Variants in CUBN observed in about 807,000 individuals in gnomAD.
CUBN encodes 460 kDa receptor.
A neutral mutation model predicts 405.3 loss-of-function variants in CUBN; 282 were observed. That is an observed-to-expected ratio of 0.70 (90% CI 0.63 to 0.77). The LOEUF is 0.77. CUBN is among the 30% of genes least tolerant of loss of function. The pLI is 0.00. For synonymous variants in CUBN, 1,684 were observed against 1,617.0 expected, an observed-to-expected ratio of 1.04 and a Z score of -0.99; for missense variants, 4,514 against 4,475.2, an observed-to-expected ratio of 1.01 and a Z score of -0.25.
intron 60 of CUBN, among the ~76,000 whole-genome samples, chr10:16,847,073 C>T (rs1165728568): frequency 2.0e-5 from 3 of 152,174 alleles, no homozygotes; most frequent in African/African-American, 7.2e-5. Context: ...AGAGCCTCTT[C>T]TGCTCTGCCC....
At chr10:16,936,517 A>C (rs1223628456) in intron 39 of CUBN, among the ~76,000 whole-genome samples, 2 of 152,200 alleles carry the variant, frequency 1.3e-5, no homozygotes, top group Non-Finnish European at 2.9e-5. Context: ...CTGATATAAG[A>C]AGTTAGAAGC....
intron 51 of CUBN, among the ~76,000 whole-genome samples, 175 bp downstream of exon 51, chr10:16,903,791 C>A (rs1469000510): frequency 3.3e-5 from 5 of 150,106 alleles, no homozygotes; most frequent in Admixed American, 3.3e-4. Flanking sequence ...TATAAAATTT[C>A]TAGATATCAG....
In CUBN at chr10:16,940,223, T is replaced by G. The variant is rs748558881; in HGVS notation, c.5357A>C (p.Glu1786Ala). ...ATCTCTGCTGCAGTCCTGAGAGTCT[T>G]CCAACTGGAAAGATCTGATTTGGGG... is the stretch of plus-strand genomic sequence containing the variant. The part of the protein sequence containing the change: ...LQLSFISFQL[E>A]DSQDCSRDFV... Residue 1786 changes from glutamate (E) to alanine (A), a missense_variant, in exon 37 of 67, where the codon GAA becomes GCA. Around this residue, in one of 5 missense-constraint regions of CUBN, gnomAD observed 1,613 missense variants for 1,542.8 expected, o/e 1.05. Coordinates refer to ENST00000377833, the MANE Select transcript of CUBN (RefSeq NM_001081.4). 8 of 1,613,932 alleles carry G rather than the reference T, an allele frequency of 5.0e-6. No individual in the cohort carries two copies. The African/African-American group carries it at 1.1e-4, about 22-fold the overall frequency.
chr10:16,838,181 C>T (rs1839231281), intron 62 of CUBN, among the ~76,000 whole-genome samples: 1 of 152,214 alleles, frequency 6.6e-6, no homozygotes, highest in South Asian at 2.1e-4. Context: ...GTCTATTCAG[C>T]TGCCAGCACA....
rs775332469 is a variant in CUBN, at chr10:17,122,902, T to A, written c.490-4A>T. 4.4e-6 allele frequency: 7 copies of A among 1,608,976 alleles called. No individual in the cohort carries two copies. In the Admixed American group the frequency reaches 1.2e-4, roughly 27 times the overall value. On this transcript the variant is annotated splice_region_variant and splice_polypyrimidine_tract_variant and intron_variant, in intron 5 of 66. Transcript: ENST00000377833. Reference sequence around the variant, plus strand: ...CATCAGCTGAGCAGAGAGGACCCTGTGATCATATAAGGAACAAAGTCAGGT... The same window carrying A: ...CATCAGCTGAGCAGAGAGGACCCTGAGATCATATAAGGAACAAAGTCAGGT...
intron 8 of CUBN, 120 bp downstream of exon 8, chr10:17,113,907 A>C: frequency 9.9e-7 from 1 of 1,005,186 alleles, no homozygotes; most frequent in Non-Finnish European, 1.5e-6. Flanking sequence ...CCAGGACACA[A>C]AACTGGATTT....
chr10:17,045,573 T>C (rs1417165555), intron 24 of CUBN, among the ~76,000 whole-genome samples: 1 of 151,896 alleles, frequency 6.6e-6, no homozygotes, highest in African/African-American at 2.4e-5. Context: ...GAGACTATGT[T>C]TAGTAGAGAC....
intron 7 of CUBN, among the ~76,000 whole-genome samples, chr10:17,114,777 G>C (rs1358704046): frequency 6.6e-6 from 1 of 152,170 alleles, no homozygotes; most frequent in Admixed American, 6.5e-5. Flanking sequence ...TGGGCTCTTA[G>C]AGTCTGCAGC....
intron 22 of CUBN, among the ~76,000 whole-genome samples, chr10:17,065,141 C>A (rs893080500): frequency 9.6e-6 from 1 of 103,970 alleles, no homozygotes; most frequent in Non-Finnish European, 1.8e-5. Flanking sequence ...CCCCCCCCCC[C>A]ACACACACAT....
At chr10:17,034,453 T>C (rs879700572) in intron 27 of CUBN, among the ~76,000 whole-genome samples, 4 of 152,186 alleles carry the variant, frequency 2.6e-5, no homozygotes, top group South Asian at 2.1e-4. Flanking sequence ...CCTATTAAGA[T>C]ACTTTTCCCT....
At chr10:16,960,976 C>T (rs969499469) in intron 31 of CUBN, among the ~76,000 whole-genome samples, 1 of 152,230 alleles carries the variant, frequency 6.6e-6, no homozygotes, top group African/African-American at 2.4e-5. Flanking sequence ...ATTCTGAACA[C>T]ATGATATATT....
intron 59 of CUBN, among the ~76,000 whole-genome samples, chr10:16,865,038 G>GCAACCTCT (rs372871254): frequency 1.4e-5 from 2 of 138,950 alleles, no homozygotes; most frequent in African/African-American, 5.4e-5. Flanking sequence ...TTGGGTCACT[G>GCAACCTCT]GGTCACTGCA....
chr10:17,126,945 C>T, intron 3 of CUBN, 146 bp from the exon 4 acceptor site: 1 of 807,138 alleles, frequency 1.2e-6, no homozygotes. Flanking sequence ...CCTCTTCATT[C>T]CTCTCCCCTC....
intron 10 of CUBN, among the ~76,000 whole-genome samples, chr10:17,108,827 A>G (rs1356642828): frequency 6.6e-6 from 1 of 152,180 alleles, no homozygotes; most frequent in East Asian, 1.9e-4. Context: ...CTTATAAAAC[A>G]TAAGACAGAT....
At chr10:16,851,978 C>T (rs1455215784) in intron 59 of CUBN, among the ~76,000 whole-genome samples, 3 of 124,116 alleles carry the variant, frequency 2.4e-5, no homozygotes, top group Non-Finnish European at 5.1e-5. Context: ...CCCTCCCTCC[C>T]TCTATCTTTC....
chr10:17,054,768 A>G (rs1487276752), intron 22 of CUBN, among the ~76,000 whole-genome samples: 1 of 152,124 alleles, frequency 6.6e-6, no homozygotes, highest in East Asian at 1.9e-4. Flanking sequence ...AAAATGAAAT[A>G]GAAAGCTTTA....
intron 34 of CUBN, among the ~76,000 whole-genome samples, chr10:16,949,772 A>G (rs1026118477): frequency 2.6e-5 from 4 of 152,262 alleles, no homozygotes; most frequent in Middle Eastern, 3.4e-3. Context: ...ATGTTTTAAA[A>G]CATATACACA....
chr10:17,097,505 A>T (rs958849812), intron 14 of CUBN, among the ~76,000 whole-genome samples: 22 of 152,164 alleles, frequency 1.4e-4, no homozygotes, highest in African/African-American at 4.6e-4. Flanking sequence ...AAATCCTTCC[A>T]GAGAATATAA....
At chr10:16,899,269 A>G in intron 53 of CUBN, 86 bp from the exon 54 acceptor site, 1 of 985,504 alleles carries the variant, frequency 1.0e-6, no homozygotes, top group Non-Finnish European at 1.6e-6. Flanking sequence ...AACATTTCCA[A>G]ATGTGAGATT....
Sources: allele counts gnomAD v4.1 joint callset (sites outside exome capture counted in the v4.1 genomes callset), GRCh38; gene constraint gnomAD v4.1.1; regional missense constraint gnomAD v4.1.1; transcripts MANE v1.5; gene names NCBI Gene and HGNC (gene_info 2026-07-23, HGNC 2026-07-21).